KIF11: variants seen among roughly 807,000 people sequenced by gnomAD.
KIF11 encodes kinesin family member 11, also known as kinesin-like protein KIF11.
In KIF11, 9 loss-of-function variants were observed where a neutral mutation model predicts 121.0. That is an observed-to-expected ratio of 0.07 (90% CI 0.04 to 0.13). The LOEUF (loss-of-function observed/expected upper bound fraction) is 0.13, where lower values mean the gene tolerates loss of function less well. Among genes scored for constraint, KIF11 ranks in the 10% least tolerant of loss-of-function variants. The probability of loss-of-function intolerance (pLI) is 1.00; values close to 1 mark genes in which losing one functional copy is unlikely to be tolerated. For synonymous variants in KIF11, 408 were observed against 421.0 expected, an observed-to-expected ratio of 0.97 and a Z score of 0.38; for missense variants, 846 against 1,217.5, an observed-to-expected ratio of 0.69 and a Z score of 4.54.
chr10:92,605,190 G>A (rs565135368), intron 1 of KIF11, among the ~76,000 whole-genome samples: 6 of 152,130 alleles, frequency 3.9e-5, no homozygotes, highest in African/African-American at 9.7e-5. Flanking sequence ...AGGCATTTCC[G>A]TAGAATGAGG....
intron 13 of KIF11, among the ~76,000 whole-genome samples, chr10:92,633,073 G>T (rs11818750): frequency 0.15 from 22,698 of 151,800 alleles, 3,610 homozygotes; most frequent in African/African-American, 0.4. Context: ...CTTTTTTTGG[G>T]GGGGGCATAT....
chr10:92,633,274 C>A (rs915611889), intron 13 of KIF11, among the ~76,000 whole-genome samples: 4 of 151,788 alleles, frequency 2.6e-5, no homozygotes, highest in Middle Eastern at 6.8e-3. Context: ...AAGCACTATA[C>A]TTTTTGGTAT....
At chr10:92,605,482 A>AT (rs58660991) in intron 1 of KIF11, among the ~76,000 whole-genome samples, 6,477 of 98,282 alleles carry the variant, frequency 0.066, 319 homozygotes, top group Middle Eastern at 0.11. Context: ...ATTTGATCGG[A>AT]TTTTTTTTTT....
chr10:92,650,329 C>A, intron 20 of KIF11, 72 bp from the exon 21 acceptor site: 2 of 846,114 alleles, frequency 2.4e-6, no homozygotes, highest in Non-Finnish European at 4.1e-6. Context: ...GTGTTATACT[C>A]AAAGCTGCTG....
rs759629139 is a variant in KIF11 at position 92,639,912 on chromosome 10, T to G, written c.2267+12T>G. Reference sequence around the variant, plus strand: ...GAAAATATACAGCAGTAAGCTATTTTTAAATTCTCTTAAACTTTTCTGTAA... The same window carrying G: ...GAAAATATACAGCAGTAAGCTATTTGTAAATTCTCTTAAACTTTTCTGTAA... On this transcript the variant is annotated intron_variant, in intron 17 of 21. Transcript: ENST00000260731. The G allele has an allele frequency of 1.5e-6, 2 of 1,358,846 alleles. No homozygotes were observed. The highest frequency in any genetic ancestry group is 2.1e-6 in the Non-Finnish European group (2 of 962,172). The allele number at this position is 1,358,846 out of a possible 1,614,324, so 84.2% of individuals were successfully genotyped here.
intron 17 of KIF11, among the ~76,000 whole-genome samples, chr10:92,642,264 A>AT (rs1342692106): frequency 3.9e-5 from 6 of 152,238 alleles, no homozygotes; most frequent in East Asian, 1.9e-4. Flanking sequence ...CTATTTAAGT[A>AT]TTTTTTAGCT....
At chr10:92,628,327 A>T (rs1740072941) in intron 10 of KIF11, among the ~76,000 whole-genome samples, 1 of 152,010 alleles carries the variant, frequency 6.6e-6, no homozygotes, top group South Asian at 2.1e-4. Context: ...TACATACTTT[A>T]AGTCTCAGTT....
chr10:92,611,904 A>G (rs74809575), intron 6 of KIF11, among the ~76,000 whole-genome samples: 1 of 152,170 alleles, frequency 6.6e-6, no homozygotes, highest in Admixed American at 6.5e-5. Context: ...ATAAATAATT[A>G]AAAAAGATAC....
intron 1 of KIF11, among the ~76,000 whole-genome samples, chr10:92,599,619 G>GT (rs979952460): frequency 3.6e-4 from 53 of 147,790 alleles, no homozygotes; most frequent in African/African-American, 1.2e-3. Flanking sequence ...AGTTCTAACA[G>GT]TTTTTTTTTG....
chr10:92,631,329 T>C (rs1237151526), intron 12 of KIF11, among the ~76,000 whole-genome samples: 1 of 150,444 alleles, frequency 6.6e-6, no homozygotes, highest in Admixed American at 6.6e-5. Context: ...TATGTTCTGA[T>C]GATGAAAGAT....
chr10:92,614,376 C>T (rs937044436), intron 8 of KIF11, among the ~76,000 whole-genome samples: 14 of 152,134 alleles, frequency 9.2e-5, no homozygotes, highest in Admixed American at 3.3e-4. Flanking sequence ...GGATTACACG[C>T]GTGTGCCACT....
chr10:92,640,624 G>T (rs2135920863), intron 17 of KIF11, among the ~76,000 whole-genome samples: 1 of 152,052 alleles, frequency 6.6e-6, no homozygotes, highest in East Asian at 1.9e-4. Context: ...GTAGAGAGGG[G>T]TTTCACCATG....
At chr10:92,653,576 T>C in intron 21 of KIF11, 89 bp from the exon 22 acceptor site, 2 of 1,288,110 alleles carry the variant, frequency 1.6e-6, no homozygotes, top group Non-Finnish European at 2.1e-6. Flanking sequence ...TTTTTGCCTA[T>C]AACCCAGAGA....
chr10:92,608,538 A>G (rs1844456271), intron 4 of KIF11, among the ~76,000 whole-genome samples: 1 of 150,746 alleles, frequency 6.6e-6, no homozygotes, highest in African/African-American at 2.5e-5. Context: ...TCCCGGGTTC[A>G]AGTGATTCTC....
At chr10:92,603,448 C>T (rs1211790488) in intron 1 of KIF11, among the ~76,000 whole-genome samples, 2 of 151,462 alleles carry the variant, frequency 1.3e-5, no homozygotes, top group Non-Finnish European at 2.9e-5. Context: ...TTCACCCAGG[C>T]TGGAGTGTAG....
chr10:92,600,871 C>A (rs577372728), intron 1 of KIF11, among the ~76,000 whole-genome samples: 2 of 150,838 alleles, frequency 1.3e-5, no homozygotes, highest in Non-Finnish European at 3.0e-5. Context: ...TTCTTTTTTT[C>A]TTTTTTTGAG....
chr10:92,651,502 ATTTTGTTTTTT>A lies in KIF11; in HGVS notation c.3039+990_3039+1000del, dbSNP rs1844979577. Among the ~76,000 whole-genome samples the A allele has an allele frequency of 1.9e-4, 4 of 21,560 alleles. No homozygotes were observed. The East Asian group carries it at 8.7e-3, about 47-fold the overall frequency. 14.1% of individuals were successfully genotyped at this position (21,560 alleles called of 152,430 possible). ...AGGCATGTGCCACCATGCCTGGCTAATTTTGTTTTTTTTTTTTTTTTTTTTTTTTTTTTTTT... is the reference window on the plus strand; with the variant it reads ...AGGCATGTGCCACCATGCCTGGCTAATTTTTTTTTTTTTTTTTTTTTTTTT... On this transcript the variant is annotated intron_variant, in intron 21 of 21. Transcript: ENST00000260731.
intron 2 of KIF11, 104 bp from the exon 3 acceptor site, chr10:92,606,515 G>T: frequency 8.8e-7 from 1 of 1,130,310 alleles, no homozygotes. Flanking sequence ...TTGTCAGATG[G>T]CTTCTAGTGG....
Position 92,630,218 on chromosome 10 carries a change from T to C in KIF11, c.1348T>C (p.Cys450Arg). Residue 450 changes from cysteine to arginine, a missense_variant, in exon 12 of 22, where the codon TGT (cysteine) becomes CGT (arginine). Cys to Arg is a radical substitution (Grantham distance 180). Transcript: ENST00000260731. Reference sequence around the variant, plus strand: ...GGATAATAAAAATGAACTTGACCAGTGTAAATCTGACCTGCAAAATAAAAC... The same window carrying C: ...GGATAATAAAAATGAACTTGACCAGCGTAAATCTGACCTGCAAAATAAAAC... ...FMDNKNELDQ[C>R]KSDLQNKTQE... is the part of the protein sequence containing the mutation. The C allele has an allele frequency of 6.2e-7, 1 of 1,604,164 alleles. No individual in the cohort carries two copies. The highest frequency in any genetic ancestry group is 8.5e-7 in the Non-Finnish European group (1 of 1,175,786).
Sources: allele counts gnomAD v4.1 joint callset (sites outside exome capture counted in the v4.1 genomes callset), GRCh38; gene constraint gnomAD v4.1.1; transcripts MANE v1.5; gene names NCBI Gene and HGNC (gene_info 2026-07-23, HGNC 2026-07-21).